Variants in ACMSD observed in about 807,000 individuals in gnomAD.
ACMSD encodes the protein 2-amino-3-carboxymuconate-6-semialdehyde decarboxylase.
A neutral mutation model predicts 45.9 loss-of-function variants in ACMSD; 37 were observed. The observed-to-expected ratio is 0.81, with a 90% CI of 0.62 to 1.06. ACMSD has a LOEUF of 1.06. Among genes scored for constraint, ACMSD ranks in the 50% least tolerant of loss-of-function variants. The probability of loss-of-function intolerance (pLI) is 0.00; values close to 1 mark genes in which losing one functional copy is unlikely to be tolerated. For synonymous variants in ACMSD, 138 were observed against 148.8 expected, an observed-to-expected ratio of 0.93 and a Z score of 0.53; for missense variants, 434 against 420.9, an observed-to-expected ratio of 1.03 and a Z score of -0.27.
At chr2:134,873,914 G>C (rs1688596951) in intron 8 of ACMSD, among the ~76,000 whole-genome samples, 1 of 152,170 alleles carries the variant, frequency 6.6e-6, no homozygotes. Context: ...AAGGAAGAGG[G>C]AAAATCATGT....
chr2:134,860,983 T>C (rs567267848), intron 3 of ACMSD, among the ~76,000 whole-genome samples: 67 of 152,064 alleles, frequency 4.4e-4, no homozygotes, highest in African/African-American at 1.6e-3. Flanking sequence ...TGAGCTGTGA[T>C]TGCACCACTA....
At chr2:134,893,118 C>G (rs1022264265) in intron 8 of ACMSD, among the ~76,000 whole-genome samples, 3 of 152,092 alleles carry the variant, frequency 2.0e-5, no homozygotes, top group Non-Finnish European at 4.4e-5. Context: ...CCAAATCCAA[C>G]AGACACTATC....
intron 6 of ACMSD, among the ~76,000 whole-genome samples, chr2:134,869,378 A>G (rs962811354): frequency 2.6e-5 from 4 of 151,854 alleles, no homozygotes; most frequent in African/African-American, 7.3e-5. Flanking sequence ...ACGCACAGCT[A>G]ATTTTTATAT....
At position 134,872,471 on chromosome 2, in the gene ACMSD, G is replaced by A; in HGVS notation, c.679G>A (p.Gly227Ser). 1 of 1,614,104 alleles carries A rather than the reference G, an allele frequency of 6.2e-7. No homozygotes were observed. The highest frequency in any genetic ancestry group is 8.5e-7 in the Non-Finnish European group (1 of 1,180,006). ...TCAGTAATGGGTTTTACTTGCAGGT[G>A]GTGCCTTCCCCTTCACAGTGGGAAG... is the stretch of plus-strand genomic sequence containing the variant. Reference protein sequence around the residue: ...KLKVCFAHGGGAFPFTVGRIS... With the variant: ...KLKVCFAHGGSAFPFTVGRIS... The change falls in exon 8 of 10, where the codon GGT becomes AGT. Residue 227 changes from glycine (G) to serine (S), a missense_variant and splice_region_variant. Gly to Ser is a moderately conservative substitution (Grantham distance 56, BLOSUM62 0). Transcript: ENST00000356140.
At chr2:134,857,224 G>C (rs1687625201) in intron 2 of ACMSD, among the ~76,000 whole-genome samples, 1 of 152,108 alleles carries the variant, frequency 6.6e-6, no homozygotes, top group Non-Finnish European at 1.5e-5. Flanking sequence ...TGGATCATGA[G>C]GTCAGAAGTT....
At chr2:134,897,043 A>G (rs1690194401) in intron 8 of ACMSD, among the ~76,000 whole-genome samples, 1 of 152,160 alleles carries the variant, frequency 6.6e-6, no homozygotes, top group Non-Finnish European at 1.5e-5. Context: ...ATTTTTTTAA[A>G]CATTCTATAA....
intron 1 of ACMSD, among the ~76,000 whole-genome samples, chr2:134,842,661 A>T (rs1311974183): frequency 6.6e-6 from 1 of 152,148 alleles, no homozygotes; most frequent in African/African-American, 2.4e-5. Context: ...CATTGTTAGC[A>T]TGAATGAAGC....
In ACMSD at chr2:134,852,312, T is replaced by A. The variant is rs1374945229; in HGVS notation, c.103-6949T>A. On this transcript the variant is annotated intron_variant, in intron 2 of 9. Coordinates refer to ENST00000356140, the MANE Select transcript of ACMSD (RefSeq NM_138326.3). ...TTTACTCTGACCACTTTGTGGAGAC[T>A]AGGTTGAAAGGGAGTCAGAATGGAA... 2.6e-5 allele frequency among the ~76,000 whole-genome samples: 4 copies of A among 152,108 alleles called. No homozygotes were observed. The East Asian group carries it at 5.8e-4, about 22-fold the overall frequency.
At chr2:134,871,511 G>GTTTTTT (rs56946830) in intron 7 of ACMSD, among the ~76,000 whole-genome samples, 1 of 145,578 alleles carries the variant, frequency 6.9e-6, no homozygotes, top group Non-Finnish European at 1.5e-5. Flanking sequence ...TTTTGTCATT[G>GTTTTTT]TTTTTTTTTT....
In ACMSD at chr2:134,880,904, G is replaced by A. The variant is rs145277279; in HGVS notation, c.849+8263G>A. Among the ~76,000 whole-genome samples, 141 of 152,230 alleles carry A rather than the reference G, an allele frequency of 9.3e-4. No homozygotes were observed. The East Asian group carries it at 9.8e-3, about 11-fold the overall frequency. On this transcript the variant is annotated intron_variant, in intron 8 of 9. Transcript: ENST00000356140. ...GTACATTTTAAACAGTTAATTTTGT[G>A]TTATGTGAATTTCACCTCAATTTTT...
chr2:134,854,754 T>G (rs960739069), intron 2 of ACMSD, among the ~76,000 whole-genome samples: 1 of 152,210 alleles, frequency 6.6e-6, no homozygotes, highest in South Asian at 2.1e-4. Context: ...ACTTCACACA[T>G]AGGATGTGTT....
intron 5 of ACMSD, among the ~76,000 whole-genome samples, chr2:134,865,875 C>A (rs1175580058): frequency 6.6e-6 from 1 of 152,182 alleles, no homozygotes; most frequent in Non-Finnish European, 1.5e-5. Flanking sequence ...CATCTATCAG[C>A]CACAAGGCCT....
At chr2:134,887,715 A>C (rs1689542237) in intron 8 of ACMSD, among the ~76,000 whole-genome samples, 2 of 152,150 alleles carry the variant, frequency 1.3e-5, no homozygotes, top group African/African-American at 4.8e-5. Context: ...AAATATATTC[A>C]TCCTTATACG....
chr2:134,873,350 A>G (rs935784693), intron 8 of ACMSD: 7 of 152,168 alleles, frequency 4.6e-5, no homozygotes, highest in African/African-American at 1.7e-4. Context: ...TAAAAATGCT[A>G]ACTCAGCAAG....
chr2:134,858,525 C>A (rs1233864024), intron 2 of ACMSD, among the ~76,000 whole-genome samples: 1 of 151,854 alleles, frequency 6.6e-6, no homozygotes, highest in African/African-American at 2.4e-5. Flanking sequence ...GTGTCATCAC[C>A]TCAAAAAAAA....
At chr2:134,850,269 CT>C (rs774889131) in intron 2 of ACMSD, among the ~76,000 whole-genome samples, 396 of 110,562 alleles carry the variant, frequency 3.6e-3, no homozygotes, top group African/African-American at 9.0e-3. Context: ...AAATAGATTT[CT>C]TTTTTTTTTT....
chr2:134,845,772 A>G (rs1490814090), intron 2 of ACMSD, among the ~76,000 whole-genome samples: 1 of 152,156 alleles, frequency 6.6e-6, no homozygotes, highest in Non-Finnish European at 1.5e-5. Context: ...AAGCAAAAAG[A>G]AGAAGGCTGT....
At chr2:134,888,503 A>C (rs1689588222) in intron 8 of ACMSD, among the ~76,000 whole-genome samples, 1 of 152,196 alleles carries the variant, frequency 6.6e-6, no homozygotes, top group Admixed American at 6.5e-5. Context: ...TCCACACACA[A>C]AAATACAGCT....
chr2:134,901,791 T>G lies in ACMSD; in HGVS notation c.949-7T>G, dbSNP rs112211684. On this transcript the variant is annotated splice_polypyrimidine_tract_variant and splice_region_variant and intron_variant, in intron 9 of 9. Transcript: ENST00000356140. ...TAATGCTTTAAAATATTTTCTTTTC[T>G]TTTCAGAATAAACTCAAAGCCGGCA... 10 of 1,593,446 alleles carry G rather than the reference T, an allele frequency of 6.3e-6. 1 individual carries two copies. The African/African-American group carries it at 8.1e-5, about 13-fold the overall frequency.
Sources: gnomAD v4.1 joint callset for allele counts (sites outside exome capture counted in the v4.1 genomes callset) on GRCh38, gnomAD v4.1.1 for gene constraint, MANE v1.5 for transcripts, NCBI Gene and HGNC (gene_info 2026-07-23, HGNC 2026-07-21) for gene names.